LINGO2: variants seen among roughly 807,000 people sequenced by gnomAD.
The protein encoded by LINGO2 is leucine rich repeat and Ig domain containing 2.
LINGO2 carries 14 observed loss-of-function variants against 30.6 expected under a neutral mutation model. The observed-to-expected ratio is 0.46, with a 90% CI of 0.30 to 0.72. The LOEUF is 0.72. LINGO2 is among the 30% of genes least tolerant of loss of function. The probability of loss-of-function intolerance (pLI) is 0.07; values close to 1 mark genes in which losing one functional copy is unlikely to be tolerated. For synonymous variants in LINGO2, 317 were observed against 288.5 expected (o/e 1.10, Z -1.00); for missense variants, 729 against 751.7 (o/e 0.97, Z 0.35).
the LINGO2 span, among the ~76,000 whole-genome samples, chr9:28,755,077 G>A: frequency 2.0e-5 from 3 of 151,956 alleles, no homozygotes; most frequent in African/African-American, 2.4e-5. Context: ...ATATGCCATT[G>A]GAAATACCCA....
At chr9:28,630,349 T>G (rs1587987660) in intron 1 of LINGO2, among the ~76,000 whole-genome samples, 2 of 152,270 alleles carry the variant, frequency 1.3e-5, no homozygotes, top group East Asian at 3.9e-4. Context: ...CTCATCTTTT[T>G]TTCTATTATT....
the LINGO2 span, among the ~76,000 whole-genome samples, chr9:29,034,978 ATACG>A: frequency 1.3e-5 from 2 of 152,300 alleles, no homozygotes; most frequent in East Asian, 3.9e-4. Context: ...GTCAGGAATC[ATACG>A]CCTCAATAAA....
chr9:29,061,211 C>T, the LINGO2 span, among the ~76,000 whole-genome samples: 1 of 151,882 alleles, frequency 6.6e-6, no homozygotes, highest in African/African-American at 2.4e-5. Context: ...ATGCATAAAT[C>T]TCAAAAGCAC....
intron 1 of LINGO2, among the ~76,000 whole-genome samples, chr9:28,566,871 C>T (rs940202839): frequency 1.3e-4 from 20 of 152,088 alleles, no homozygotes; most frequent in Non-Finnish European, 2.6e-4. Flanking sequence ...TTTGATAGCT[C>T]GTTGTTGCCA....
the LINGO2 span, among the ~76,000 whole-genome samples, chr9:28,908,144 CACACACACACAT>C: frequency 1.3e-5 from 1 of 77,036 alleles, no homozygotes; most frequent in Admixed American, 1.4e-4. Flanking sequence ...AAGCTATACA[CACACACACACAT>C]ACACACACAC....
At chr9:28,200,347 G>GA (rs1337232353) in intron 4 of LINGO2, among the ~76,000 whole-genome samples, 7 of 151,538 alleles carry the variant, frequency 4.6e-5, no homozygotes, top group East Asian at 3.9e-4. Flanking sequence ...ACGTTTAGGG[G>GA]AAAAAAAAGC....
chr9:28,400,807 A>G (rs1822232818), intron 2 of LINGO2, among the ~76,000 whole-genome samples: 1 of 152,214 alleles, frequency 6.6e-6, no homozygotes, highest in Non-Finnish European at 1.5e-5. Context: ...CGAGTAAGGT[A>G]AAGGGAGCAT....
At chr9:28,307,615 A>C (rs1477428539) in intron 3 of LINGO2, among the ~76,000 whole-genome samples, 4 of 152,186 alleles carry the variant, frequency 2.6e-5, no homozygotes, top group Non-Finnish European at 4.4e-5. Context: ...AAGGGTATTC[A>C]GTTAGGAAAA....
the LINGO2 span, among the ~76,000 whole-genome samples, chr9:29,070,032 G>A: frequency 5.1e-4 from 78 of 152,050 alleles, 1 homozygote; most frequent in Admixed American, 1.2e-3. Flanking sequence ...CTCATTGATT[G>A]CTCACTCTGT....
At chr9:28,235,805 G>A (rs894077365) in intron 4 of LINGO2, among the ~76,000 whole-genome samples, 1 of 152,094 alleles carries the variant, frequency 6.6e-6, no homozygotes, top group Non-Finnish European at 1.5e-5. Context: ...GACAAAAAAA[G>A]TCAATGAAGC....
chr9:29,009,311 A>C, the LINGO2 span, among the ~76,000 whole-genome samples: 1 of 152,202 alleles, frequency 6.6e-6, no homozygotes, highest in Non-Finnish European at 1.5e-5. Flanking sequence ...AAATCTCCTT[A>C]AGCTGATAAG....
intron 3 of LINGO2, among the ~76,000 whole-genome samples, chr9:28,296,302 C>T (rs1388997929): frequency 6.6e-6 from 1 of 152,104 alleles, no homozygotes; most frequent in East Asian, 1.9e-4. Context: ...CCCAGGGTAG[C>T]TCTTAAAAAC....
chr9:28,566,622 T>C (rs1048571612), intron 1 of LINGO2, among the ~76,000 whole-genome samples: 1 of 152,302 alleles, frequency 6.6e-6, no homozygotes, highest in Non-Finnish European at 1.5e-5. Flanking sequence ...CTGACACTTT[T>C]ATTTTCAGAA....
chr9:29,170,610 T>A, the LINGO2 span, among the ~76,000 whole-genome samples: 2 of 152,018 alleles, frequency 1.3e-5, no homozygotes, highest in African/African-American at 4.8e-5. Flanking sequence ...AGAAAAAGAA[T>A]ACTGGATCAT....
chr9:28,835,637 G>C, the LINGO2 span, among the ~76,000 whole-genome samples: 4 of 152,198 alleles, frequency 2.6e-5, no homozygotes, highest in African/African-American at 9.6e-5. Flanking sequence ...AAATGGGGTT[G>C]AGAGCCACTG....
At chr9:28,881,449 T>A in the LINGO2 span, among the ~76,000 whole-genome samples, 2 of 152,134 alleles carry the variant, frequency 1.3e-5, no homozygotes, top group African/African-American at 4.8e-5. Context: ...AATTTGTCAG[T>A]GATCCACAAA....
intron 4 of LINGO2, among the ~76,000 whole-genome samples, chr9:28,264,025 A>G (rs1822658551): frequency 6.6e-6 from 1 of 151,894 alleles, no homozygotes; most frequent in Non-Finnish European, 1.5e-5. Context: ...ATAGTTTTCA[A>G]GATATACCAC....
At chr9:28,766,468 A>C in the LINGO2 span, among the ~76,000 whole-genome samples, 5 of 151,464 alleles carry the variant, frequency 3.3e-5, no homozygotes, top group Non-Finnish European at 7.4e-5. Flanking sequence ...ACCCTTGTAC[A>C]CTGTTGGGGG....
the LINGO2 span, among the ~76,000 whole-genome samples, chr9:28,757,215 G>T: frequency 1.3e-5 from 2 of 151,998 alleles, no homozygotes; most frequent in African/African-American, 4.8e-5. Context: ...AACTGAAATT[G>T]AACTTGGCAT....
Sources: gnomAD v4.1 joint callset for allele counts (sites outside exome capture counted in the v4.1 genomes callset) on GRCh38, gnomAD v4.1.1 for gene constraint, MANE v1.5 for transcripts, NCBI Gene and HGNC (gene_info 2026-07-23, HGNC 2026-07-21) for gene names.